EPHB2: variants seen among roughly 807,000 people sequenced by gnomAD.
EPHB2 encodes EPH receptor B2, also known as ephrin type-B receptor 2.
A neutral mutation model predicts 96.4 loss-of-function variants in EPHB2; 18 were observed. The observed-to-expected ratio is 0.19, with a 90% CI of 0.13 to 0.28. The LOEUF is 0.28. Among genes scored for constraint, EPHB2 ranks in the 10% least tolerant of loss-of-function variants. The pLI is 1.00. For synonymous variants in EPHB2, 506 were observed against 534.1 expected, an observed-to-expected ratio of 0.95 and a Z score of 0.72; for missense variants, 989 against 1,355.4, an observed-to-expected ratio of 0.73 and a Z score of 4.25.
chr1:22,894,609 AAAG>A (rs558512971), intron 7 of EPHB2, among the ~76,000 whole-genome samples: 93 of 152,192 alleles, frequency 6.1e-4, no homozygotes, highest in Non-Finnish European at 1.1e-3. Flanking sequence ...AAAAAAAAAA[AAAG>A]AAGTAAAAAT....
At position 22,915,275 on chromosome 1, in the gene EPHB2, A is replaced by G. The variant is rs185396266; in HGVS notation, c.*1705A>G. 1.3e-5 allele frequency: 2 copies of G among 152,324 alleles called. No homozygotes were observed. Among genetic ancestry groups the G allele is most frequent in the East Asian group, 3.9e-4 (2 of 5,160 alleles). The allele number at this position is 152,324 out of a possible 1,614,324, so 9.4% of individuals were successfully genotyped here. A position where few individuals can be genotyped will look rare whatever the true frequency, so the allele number is the denominator to read the frequency against. On this transcript the variant is annotated 3_prime_UTR_variant, in exon 16 of 16. Transcript: ENST00000374630. ...TCCTGTGAACCAACACAGACACCCA[A>G]GCAGAGCAATCAGTTAGTGAATTGA...
At chr1:22,749,699 G>T (rs1570205442) in intron 1 of EPHB2, among the ~76,000 whole-genome samples, 1 of 152,304 alleles carries the variant, frequency 6.6e-6, no homozygotes. Flanking sequence ...CGTCCACAGG[G>T]TGGCTTATGT....
intron 5 of EPHB2, among the ~76,000 whole-genome samples, chr1:22,869,634 G>A (rs1457158440): frequency 6.6e-6 from 1 of 152,084 alleles, no homozygotes; most frequent in East Asian, 1.9e-4. Context: ...GCAACTGGAG[G>A]GAGGGATTCT....
chr1:22,781,453 G>C lies in EPHB2; in HGVS notation c.94G>C (p.Glu32Gln). The C allele has an allele frequency of 6.2e-7, 1 of 1,614,092 alleles. No individual in the cohort carries two copies. The highest frequency in any genetic ancestry group is 1.1e-5 in the South Asian group (1 of 91,068). ...TLMDSTTATA[E>Q]LGWMVHPPSG... Reference sequence around the variant, plus strand: ...AATGGACTCCACTACAGCGACTGCTGAGCTGGGCTGGATGGTGCATCCTCC... The same window carrying C: ...AATGGACTCCACTACAGCGACTGCTCAGCTGGGCTGGATGGTGCATCCTCC... The change falls in exon 2 of 16, where the codon GAG becomes CAG. Residue 32 changes from glutamate to glutamine, a missense_variant. Transcript: ENST00000374630.
intron 1 of EPHB2, among the ~76,000 whole-genome samples, chr1:22,719,840 A>G (rs539815897): frequency 1.3e-5 from 2 of 152,302 alleles, no homozygotes; most frequent in Admixed American, 1.3e-4. Flanking sequence ...CCTGAAAAGC[A>G]TATCACTTAT....
rs572575470 is a variant in EPHB2 at position 22,773,636 on chromosome 1, G to A, written c.62-7785G>A. Among the ~76,000 whole-genome samples, 8 of 152,288 alleles carry A rather than the reference G, an allele frequency of 5.3e-5. No homozygotes were observed. In the East Asian group the frequency reaches 9.7e-4, roughly 18 times the overall value. On this transcript the variant is annotated intron_variant, in intron 1 of 15. Transcript: ENST00000374630. ...TGCCAAGACCACTCTGTGACCCAGCGGTTCTCAGAGCAGACCACATCACTA... is the reference window on the plus strand; with the variant it reads ...TGCCAAGACCACTCTGTGACCCAGCAGTTCTCAGAGCAGACCACATCACTA...
At chr1:22,905,902 C>T in intron 9 of EPHB2, 85 bp from the exon 10 acceptor site, 1 of 1,608,222 alleles carries the variant, frequency 6.2e-7, no homozygotes, top group Non-Finnish European at 8.5e-7. Flanking sequence ...GTGGATTTCC[C>T]TCCACGGAGG....
intron 5 of EPHB2, among the ~76,000 whole-genome samples, chr1:22,878,242 A>G (rs1638909732): frequency 6.6e-6 from 1 of 152,230 alleles, no homozygotes; most frequent in African/African-American, 2.4e-5. Flanking sequence ...CTGAACTCCC[A>G]GGGAGAAGTG....
At chr1:22,832,800 A>AT (rs1452765158) in intron 3 of EPHB2, among the ~76,000 whole-genome samples, 33 of 152,304 alleles carry the variant, frequency 2.2e-4, no homozygotes, top group African/African-American at 7.5e-4. Context: ...AATACTTTAT[A>AT]ATAGAAGAAG....
At chr1:22,900,294 C>CA (rs1332363257) in intron 9 of EPHB2, among the ~76,000 whole-genome samples, 1 of 151,552 alleles carries the variant, frequency 6.6e-6, no homozygotes. Context: ...ACTCCTCAAA[C>CA]AAAAAAAAGA....
intron 9 of EPHB2, among the ~76,000 whole-genome samples, chr1:22,898,120 A>AG (rs1570454877): frequency 7.6e-6 from 1 of 131,590 alleles, no homozygotes; most frequent in East Asian, 1.9e-4. Flanking sequence ...CCCAGTCTCA[A>AG]AAAAAAAAAA....
chr1:22,711,431 G>C (rs1339900898), intron 1 of EPHB2, among the ~76,000 whole-genome samples: 2 of 148,982 alleles, frequency 1.3e-5, no homozygotes, highest in African/African-American at 4.9e-5. Context: ...CGGGGGGCGG[G>C]GGGGGCGCCG....
intron 1 of EPHB2, 103 bp from the exon 2 acceptor site, chr1:22,781,318 T>TAAA (rs71020449): frequency 9.1e-5 from 81 of 891,606 alleles, no homozygotes; most frequent in African/African-American, 3.2e-4. Context: ...AGACTCCGTC[T>TAAA]AAAAAAAAAA....
chr1:22,871,315 C>T (rs1638657857), intron 5 of EPHB2, among the ~76,000 whole-genome samples: 1 of 152,204 alleles, frequency 6.6e-6, no homozygotes, highest in African/African-American at 2.4e-5. Context: ...CACAGCCTGG[C>T]TGGGTATCCC....
intron 5 of EPHB2, among the ~76,000 whole-genome samples, chr1:22,876,992 G>A (rs1319891057): frequency 6.6e-6 from 1 of 152,216 alleles, no homozygotes; most frequent in Non-Finnish European, 1.5e-5. Context: ...TCCACCAGCA[G>A]CTGAGTTCCC....
chr1:22,784,979 G>T lies in EPHB2; in HGVS notation c.714G>T (p.Lys238Asn). The change falls in exon 3 of 16, where the codon AAG becomes AAT. Residue 238 changes from lysine to asparagine, a missense_variant. Coordinates refer to ENST00000374630, the MANE Select transcript of EPHB2 (RefSeq NM_017449.5). The surrounding 1 kb of genome is among the most constrained non-coding windows in gnomAD (Gnocchi z 5.1). Reference protein sequence around the residue: ...ANAEEVDVPIKLYCNGDGEWL... With the variant: ...ANAEEVDVPINLYCNGDGEWL... ...CGGAAGAGGTGGATGTACCCATCAA[G>T]CTCTACTGTAACGGGGACGGCGAGT... 1 of 1,614,052 alleles carries T rather than the reference G, an allele frequency of 6.2e-7. No individual in the cohort carries two copies. Among genetic ancestry groups the T allele is most frequent in the South Asian group, 1.1e-5 (1 of 91,090 alleles).
At chr1:22,773,561 C>G (rs1395989999) in intron 1 of EPHB2, among the ~76,000 whole-genome samples, 1 of 152,234 alleles carries the variant, frequency 6.6e-6, no homozygotes, top group African/African-American at 2.4e-5. Flanking sequence ...TGTTCATCTT[C>G]AGCTTCAACC....
intron 4 of EPHB2, among the ~76,000 whole-genome samples, chr1:22,863,975 C>T (rs1638369861): frequency 6.6e-6 from 1 of 151,940 alleles, no homozygotes; most frequent in African/African-American, 2.4e-5. Flanking sequence ...AATCTTCCCG[C>T]ATCCTCCCAA....
rs143638170 is a variant in EPHB2, at chr1:22,791,428, G to A, written c.811+6352G>A. On this transcript the variant is annotated intron_variant, in intron 3 of 15. Transcript: ENST00000374630. ...TGTTTTAAGAAAAAAATGGACTTCT[G>A]CTTAAATTACATGGGTTTCTTTCTT... is the stretch of plus-strand genomic sequence containing the variant. 1.2e-4 allele frequency among the ~76,000 whole-genome samples: 17 copies of A among 146,412 alleles called. No homozygotes were observed. The East Asian group carries it at 2.6e-3, about 22-fold the overall frequency.
Sources: allele counts gnomAD v4.1 joint callset (sites outside exome capture counted in the v4.1 genomes callset), GRCh38; gene constraint gnomAD v4.1.1; non-coding constraint Gnocchi (gnomAD v3.1); transcripts MANE v1.5; gene names NCBI Gene and HGNC (gene_info 2026-07-23, HGNC 2026-07-21).